CCDC171: variants seen among roughly 807,000 people sequenced by gnomAD.
CCDC171 encodes the protein coiled-coil domain-containing protein 171.
Under a neutral mutation model 168.2 loss-of-function variants are expected in CCDC171, and 177 were observed. The ratio of observed to expected loss-of-function variants is 1.05; its 90% CI spans 0.93 to 1.19. The LOEUF (loss-of-function observed/expected upper bound fraction) is 1.19, where lower values mean the gene tolerates loss of function less well. Ranked by LOEUF, CCDC171 falls within the 50% of genes most tolerant of loss-of-function variation. The pLI is 0.00. For missense variants in CCDC171, 1,991 were observed against 1,539.0 expected (o/e 1.29, Z -4.91); for synonymous variants, 687 against 540.8 (o/e 1.27, Z -3.75).
intron 10 of CCDC171, among the ~76,000 whole-genome samples, chr9:15,691,945 A>G (rs2050831025): frequency 6.6e-6 from 1 of 152,102 alleles, no homozygotes; most frequent in African/African-American, 2.4e-5. Context: ...AAGTGCTGGG[A>G]TTACAAGAGT....
intron 21 of CCDC171, among the ~76,000 whole-genome samples, chr9:15,838,253 C>T (rs1311472881): frequency 6.6e-6 from 1 of 152,086 alleles, no homozygotes; most frequent in East Asian, 1.9e-4. Flanking sequence ...TAAGCCAGTT[C>T]TTTGAAAATC....
chr9:15,902,523 C>G lies in CCDC171; in HGVS notation c.3601-17747C>G, dbSNP rs143190576. Among the ~76,000 whole-genome samples the G allele has an allele frequency of 1.7e-3, 259 of 152,226 alleles. 2 individuals carry two copies. The highest frequency in any genetic ancestry group is 5.8e-3 in the African/African-American group (241 of 41,542). On this transcript the variant is annotated intron_variant, in intron 24 of 25. Transcript: ENST00000380701. ...GTAAACACAACTGTATTAGGGCATT[C>G]TTGCATTGCTATAAAGAAATAACTG... is the stretch of plus-strand genomic sequence containing the variant.
intron 21 of CCDC171, among the ~76,000 whole-genome samples, chr9:15,838,686 C>G (rs2060552586): frequency 6.6e-6 from 1 of 152,190 alleles, no homozygotes; most frequent in East Asian, 1.9e-4. Context: ...CCCACCTCAG[C>G]CGCCCAAAGT....
chr9:15,939,729 T>C (rs996456977), intron 25 of CCDC171, among the ~76,000 whole-genome samples: 2 of 151,850 alleles, frequency 1.3e-5, no homozygotes, highest in African/African-American at 4.8e-5. Flanking sequence ...AATTTTGAAA[T>C]AAGATTTCAT....
chr9:16,054,359 C>T (rs1165186163), intron 1 of CCDC171, among the ~76,000 whole-genome samples: 4 of 152,182 alleles, frequency 2.6e-5, no homozygotes, highest in Non-Finnish European at 5.9e-5. Context: ...GGCACAAAGG[C>T]TTCCGCAGCT....
intron 21 of CCDC171, among the ~76,000 whole-genome samples, chr9:15,805,570 G>A (rs996803984): frequency 1.3e-5 from 2 of 152,010 alleles, no homozygotes; most frequent in Admixed American, 1.3e-4. Context: ...AATTTTTTTA[G>A]CACTGAGTTC....
intron 7 of CCDC171, among the ~76,000 whole-genome samples, chr9:15,653,527 G>C (rs1411953871): frequency 6.6e-6 from 1 of 151,950 alleles, no homozygotes; most frequent in African/African-American, 2.4e-5. Flanking sequence ...TTTAAAAAAT[G>C]TTTCTCAATA....
downstream of CCDC171, among the ~76,000 whole-genome samples, chr9:15,977,033 A>G (rs1048077583): frequency 5.3e-5 from 8 of 152,158 alleles, no homozygotes; most frequent in Admixed American, 2.0e-4. Flanking sequence ...AAACCCCTCC[A>G]TTCCTCCAGT....
intron 18 of CCDC171, among the ~76,000 whole-genome samples, chr9:15,746,325 A>G (rs1333586136): frequency 1.3e-5 from 2 of 152,206 alleles, no homozygotes; most frequent in African/African-American, 2.4e-5. Flanking sequence ...TTGGGATTTA[A>G]TTCTTAGACA....
intron 9 of CCDC171, among the ~76,000 whole-genome samples, chr9:15,672,000 C>G (rs567910134): frequency 4.3e-4 from 65 of 152,298 alleles, no homozygotes; most frequent in Non-Finnish European, 7.4e-4. Flanking sequence ...TCCACATCCT[C>G]TCCAGCACCT....
At chr9:15,569,544 G>A (rs1459884637) in intron 2 of CCDC171, among the ~76,000 whole-genome samples, 1 of 152,068 alleles carries the variant, frequency 6.6e-6, no homozygotes, top group Non-Finnish European at 1.5e-5. Flanking sequence ...GGCCGGGCGC[G>A]GTGGCTCGCG....
intron 3 of CCDC171, among the ~76,000 whole-genome samples, chr9:15,995,339 A>G (rs1035994787): frequency 2.6e-5 from 4 of 152,228 alleles, no homozygotes; most frequent in African/African-American, 9.6e-5. Flanking sequence ...AGTGCCAGCT[A>G]CTGGTACAAA....
At chr9:15,883,272 C>G (rs1464424532) in intron 24 of CCDC171, 1 of 154,538 alleles carries the variant, frequency 6.5e-6, no homozygotes, top group African/African-American at 2.4e-5. Context: ...GCTGCCCAGA[C>G]TGGTCTGAAA....
chr9:15,766,016 C>G (rs987981014), intron 18 of CCDC171, among the ~76,000 whole-genome samples: 3 of 152,078 alleles, frequency 2.0e-5, no homozygotes, highest in Non-Finnish European at 4.4e-5. Flanking sequence ...TGTTTACTTT[C>G]CAGTATAATG....
the CCDC171 span, among the ~76,000 whole-genome samples, chr9:16,101,751 C>T: frequency 1.3e-5 from 2 of 152,192 alleles, no homozygotes; most frequent in Admixed American, 6.5e-5. Flanking sequence ...TGGTCAGCCC[C>T]TAGGAGCTAA....
chr9:15,888,716 T>C (rs1000342653), intron 24 of CCDC171, among the ~76,000 whole-genome samples: 2 of 152,026 alleles, frequency 1.3e-5, no homozygotes, highest in African/African-American at 4.8e-5. Flanking sequence ...CCGAATGATA[T>C]AATTTTGTTA....
At chr9:15,918,642 G>T (rs1196052585) in intron 24 of CCDC171, among the ~76,000 whole-genome samples, 1 of 150,844 alleles carries the variant, frequency 6.6e-6, no homozygotes, top group Non-Finnish European at 1.5e-5. Flanking sequence ...GATAGGTTAG[G>T]ATATGTCAGA....
chr9:16,020,386 A>T (rs972883213), intron 3 of CCDC171, among the ~76,000 whole-genome samples: 7 of 152,214 alleles, frequency 4.6e-5, no homozygotes, highest in African/African-American at 1.7e-4. Flanking sequence ...CCAATAAGGG[A>T]TATTCAAACC....
intron 24 of CCDC171, among the ~76,000 whole-genome samples, chr9:15,901,223 A>T (rs2131632245): frequency 6.6e-6 from 1 of 152,268 alleles, no homozygotes; most frequent in South Asian, 2.1e-4. Context: ...AGAACACAGG[A>T]TTTTTAGAGC....
Sources: allele counts gnomAD v4.1 joint callset (sites outside exome capture counted in the v4.1 genomes callset), GRCh38; gene constraint gnomAD v4.1.1; transcripts MANE v1.5; gene names NCBI Gene and HGNC (gene_info 2026-07-23, HGNC 2026-07-21).